Variants in LUZP2 observed in about 807,000 individuals in gnomAD.
The protein encoded by LUZP2 is leucine zipper protein 2.
Under a neutral mutation model 51.6 loss-of-function variants are expected in LUZP2, and 52 were observed. The ratio of observed to expected loss-of-function variants is 1.01; its 90% CI spans 0.81 to 1.27. The LOEUF is 1.27. Ranked by LOEUF, LUZP2 falls within the 50% of genes most tolerant of loss-of-function variation. LUZP2 has a pLI of 0.00. For synonymous variants in LUZP2, 154 were observed against 137.3 expected (o/e 1.12, Z -0.85); for missense variants, 436 against 395.4 (o/e 1.10, Z -0.87).
chr11:24,533,014 T>A (rs1421179126), intron 1 of LUZP2, among the ~76,000 whole-genome samples: 2 of 151,214 alleles, frequency 1.3e-5, no homozygotes, highest in African/African-American at 4.8e-5. Flanking sequence ...GTTCTTTATA[T>A]CTAACTTGAA....
At chr11:24,671,411 CT>C (rs776012158) in intron 1 of LUZP2, among the ~76,000 whole-genome samples, 11 of 152,006 alleles carry the variant, frequency 7.2e-5, no homozygotes, top group Non-Finnish European at 1.6e-4. Flanking sequence ...CTAAGTAACA[CT>C]GCCTTGACCA....
At chr11:24,874,208 G>C (rs938570176) in intron 5 of LUZP2, among the ~76,000 whole-genome samples, 5 of 152,156 alleles carry the variant, frequency 3.3e-5, no homozygotes, top group African/African-American at 9.7e-5. Context: ...CTGGGACCAA[G>C]ATTCTGTTTT....
intron 4 of LUZP2, among the ~76,000 whole-genome samples, chr11:24,758,537 A>G (rs1859857713): frequency 6.6e-6 from 1 of 152,100 alleles, no homozygotes; most frequent in Admixed American, 6.5e-5. Context: ...AAATTAACAC[A>G]TATTTATAAC....
intron 1 of LUZP2, among the ~76,000 whole-genome samples, chr11:24,608,309 A>G (rs1263862727): frequency 6.6e-6 from 1 of 152,242 alleles, no homozygotes; most frequent in African/African-American, 2.4e-5. Flanking sequence ...TCTACAAGGC[A>G]GACACAGAAG....
chr11:25,068,020 A>T (rs1859046266), intron 10 of LUZP2, among the ~76,000 whole-genome samples: 1 of 152,068 alleles, frequency 6.6e-6, no homozygotes. Context: ...TTGCAGGAAC[A>T]TAGATGAAGC....
intron 3 of LUZP2, among the ~76,000 whole-genome samples, chr11:24,734,431 T>A (rs1226217412): frequency 6.6e-6 from 1 of 151,856 alleles, no homozygotes; most frequent in Non-Finnish European, 1.5e-5. Flanking sequence ...TGTGGTAAAG[T>A]ATATAAACTA....
rs149289952 is a variant in LUZP2, at chr11:24,769,166, T to C, written c.396+5858T>C. The stretch of plus-strand genomic sequence containing the variant: ...GACAAATACTGCATGATGTCACTCA[T>C]ATGAGAAATCTACAAAAGTTGATCT... On this transcript the variant is annotated intron_variant, in intron 5 of 11. Transcript: ENST00000336930. Among the ~76,000 whole-genome samples, 121 of 152,118 alleles carry C rather than the reference T, an allele frequency of 8.0e-4. 3 individuals carry two copies. In the East Asian group the frequency reaches 0.019, roughly 25 times the overall value.
intron 4 of LUZP2, among the ~76,000 whole-genome samples, chr11:24,761,714 T>C (rs902613966): frequency 2.0e-5 from 3 of 152,192 alleles, no homozygotes; most frequent in African/African-American, 7.2e-5. Flanking sequence ...AATTGTTTAC[T>C]TTCAACTGTG....
intron 7 of LUZP2, among the ~76,000 whole-genome samples, chr11:24,959,549 G>A (rs1024401022): frequency 2.5e-4 from 37 of 150,608 alleles, no homozygotes; most frequent in Non-Finnish European, 4.0e-4. Flanking sequence ...TGATTTGGCT[G>A]TTTGTCTGTT....
chr11:24,864,050 G>A (rs996219102), intron 5 of LUZP2, among the ~76,000 whole-genome samples: 1 of 152,044 alleles, frequency 6.6e-6, no homozygotes, highest in Non-Finnish European at 1.5e-5. Context: ...AGAAATAATG[G>A]TGTATCAGAA....
chr11:24,859,110 G>C (rs1453721042), intron 5 of LUZP2, among the ~76,000 whole-genome samples: 1 of 152,084 alleles, frequency 6.6e-6, no homozygotes, highest in Non-Finnish European at 1.5e-5. Flanking sequence ...ATTAATAGAA[G>C]AAGATGACTT....
intron 9 of LUZP2, among the ~76,000 whole-genome samples, chr11:25,024,640 A>T (rs1286847728): frequency 1.1e-4 from 17 of 152,256 alleles, no homozygotes; most frequent in Middle Eastern, 3.4e-3. Flanking sequence ...GCTCAACGAA[A>T]TAAGAGGACA....
chr11:24,509,207 C>G (rs1366643051), intron 1 of LUZP2, among the ~76,000 whole-genome samples: 1 of 152,046 alleles, frequency 6.6e-6, no homozygotes, highest in Non-Finnish European at 1.5e-5. Flanking sequence ...GCAACAAACT[C>G]AACATTCACA....
At chr11:24,660,070 A>G (rs1855967408) in intron 1 of LUZP2, among the ~76,000 whole-genome samples, 1 of 152,172 alleles carries the variant, frequency 6.6e-6, no homozygotes, top group African/African-American at 2.4e-5. Context: ...GAGTGGAAGC[A>G]GCAGAGACAC....
chr11:24,618,357 C>G (rs1854366544), intron 1 of LUZP2, among the ~76,000 whole-genome samples: 1 of 152,176 alleles, frequency 6.6e-6, no homozygotes, highest in Admixed American at 6.5e-5. Flanking sequence ...ACTTAGCCTT[C>G]TCTTATATTA....
At chr11:24,661,241 C>A (rs552808479) in intron 1 of LUZP2, among the ~76,000 whole-genome samples, 3 of 152,028 alleles carry the variant, frequency 2.0e-5, no homozygotes, top group East Asian at 3.9e-4. Flanking sequence ...TCTTTTCTAT[C>A]TATTAATACA....
chr11:24,694,621 CAT>C (rs1857186364), intron 1 of LUZP2, among the ~76,000 whole-genome samples: 1 of 152,046 alleles, frequency 6.6e-6, no homozygotes, highest in Non-Finnish European at 1.5e-5. Context: ...CACGTGCACA[CAT>C]ATGTTTATTG....
intron 6 of LUZP2, among the ~76,000 whole-genome samples, chr11:24,908,763 T>C (rs1407002909): frequency 1.3e-5 from 2 of 149,624 alleles, no homozygotes; most frequent in Non-Finnish European, 3.0e-5. Flanking sequence ...TTTTTCTTTT[T>C]TTTTTTTTTT....
chr11:25,061,484 G>T (rs189433462), intron 10 of LUZP2, among the ~76,000 whole-genome samples: 262 of 152,234 alleles, frequency 1.7e-3, no homozygotes, highest in African/African-American at 5.9e-3. Context: ...ACCCAGCTGT[G>T]TTTCTCCTTA....
Sources: allele counts gnomAD v4.1 joint callset (sites outside exome capture counted in the v4.1 genomes callset), GRCh38; gene constraint gnomAD v4.1.1; transcripts MANE v1.5; gene names NCBI Gene and HGNC (gene_info 2026-07-23, HGNC 2026-07-21).